ATP5PD: variants seen among roughly 807,000 people sequenced by gnomAD.
ATP5PD encodes ATP synthase peripheral stalk subunit d, mitochondrial.
ATP5PD carries 13 observed loss-of-function variants against 22.6 expected under a neutral mutation model. The ratio of observed to expected loss-of-function variants is 0.58; its 90% CI spans 0.37 to 0.91. The LOEUF is 0.91. ATP5PD is among the 40% of genes least tolerant of loss of function. The pLI is 0.00. For synonymous variants in ATP5PD, 51 were observed against 65.0 expected (o/e 0.79, Z 1.03); for missense variants, 165 against 188.0 (o/e 0.88, Z 0.72).
rs1293026283 is a variant in ATP5PD, at chr17:75,039,286, A to C, written c.292-15T>G. On this transcript the variant is annotated splice_polypyrimidine_tract_variant and intron_variant, in intron 4 of 5. Transcript: ENST00000301587. ...CAAGATTTCACCTTTAAGAAGAAAG[A>C]GAAATTCAGTTCTGAAACCAGGCTG... 6.2e-7 allele frequency: 1 copy of C among 1,613,574 alleles called. No individual in the cohort carries two copies. The highest frequency in any genetic ancestry group is 1.1e-5 in the South Asian group (1 of 91,080).
In ATP5PD at chr17:75,039,120, C is replaced by T. The variant is rs1598684394; in HGVS notation, c.355-57G>A. 4 of 1,612,138 alleles carry T rather than the reference C, an allele frequency of 2.5e-6. No individual in the cohort carries two copies. In the East Asian group the frequency reaches 8.9e-5, roughly 36 times the overall value. On this transcript the variant is annotated intron_variant, in intron 5 of 5. Transcript: ENST00000301587. ...TAAACAGAGACGGAAAGCAGAATAT[C>T]CAAGGCAGGTTCCTGCCACCAGGTG...
intron 1 of ATP5PD, 137 bp downstream of exon 1, chr17:75,046,788 G>A (rs2073224310): frequency 6.6e-6 from 1 of 152,440 alleles, no homozygotes; most frequent in African/African-American, 2.4e-5. Flanking sequence ...AGCTACACAA[G>A]GGACACTCTG....
intron 3 of ATP5PD, 199 bp downstream of exon 3, chr17:75,041,982 A>G: frequency 2.0e-6 from 1 of 510,374 alleles, no homozygotes; most frequent in Non-Finnish European, 3.5e-6. Context: ...TTAAGGCTAC[A>G]CTCTACTGCT....
At chr17:75,046,272 C>A (rs564863011) in intron 1 of ATP5PD, among the ~76,000 whole-genome samples, 9 of 152,220 alleles carry the variant, frequency 5.9e-5, no homozygotes, top group Non-Finnish European at 1.5e-5. Context: ...TTAGTAGAGG[C>A]GGGGTTTCAC....
chr17:75,042,308 T>G (rs960368245), intron 2 of ATP5PD, 31 bp from the exon 3 acceptor site: 4 of 1,608,738 alleles, frequency 2.5e-6, no homozygotes, highest in Non-Finnish European at 2.6e-6. Flanking sequence ...AAGTTAGGAT[T>G]GTTCATAAGC....
chr17:75,041,928 G>A, intron 3 of ATP5PD: 1 of 367,656 alleles, frequency 2.7e-6, no homozygotes, highest in Non-Finnish European at 4.9e-6. Flanking sequence ...AAACAGAGCA[G>A]GTCAAAACTC....
rs1005442545 is a variant in ATP5PD at position 75,039,040 on chromosome 17, A to T, written c.378T>A (p.Ile126=). Residue 126 remains isoleucine, a synonymous_variant, in exon 6 of 6, where the codon ATT becomes ATA. Coordinates refer to ENST00000301587, the MANE Select transcript of ATP5PD (RefSeq NM_006356.3). ...EKEMEKMKNL[I]PFDQMTIEDL... is the part of the protein sequence containing the mutation. ...CCTCAATGGTCATCTGATCAAATGGAATTAAGTTCTTCATCTTCTCCATCT... is the reference window on the plus strand; with the variant it reads ...CCTCAATGGTCATCTGATCAAATGGTATTAAGTTCTTCATCTTCTCCATCT... The T allele has an allele frequency of 6.2e-7, 1 of 1,613,990 alleles. No homozygotes were observed. Among genetic ancestry groups the T allele is most frequent in the East Asian group, 2.2e-5 (1 of 44,890 alleles).
intron 1 of ATP5PD, among the ~76,000 whole-genome samples, chr17:75,045,985 C>A (rs190571504): frequency 1.3e-5 from 2 of 152,334 alleles, no homozygotes; most frequent in East Asian, 3.9e-4. Context: ...ATAAAATCTT[C>A]ACAATCCACG....
chr17:75,046,620 C>G (rs915279266), intron 1 of ATP5PD, among the ~76,000 whole-genome samples: 2 of 152,248 alleles, frequency 1.3e-5, no homozygotes, highest in Non-Finnish European at 2.9e-5. Flanking sequence ...TTCCCCAGTC[C>G]CCCCACCAAA....
At chr17:75,046,541 G>A (rs915818662) in intron 1 of ATP5PD, among the ~76,000 whole-genome samples, 1 of 152,240 alleles carries the variant, frequency 6.6e-6, no homozygotes, top group Non-Finnish European at 1.5e-5. Context: ...GGAAGCTGCC[G>A]AAGGGGAAGG....
chr17:75,046,246 CTAATT>C (rs139924151), intron 1 of ATP5PD, among the ~76,000 whole-genome samples: 3,571 of 152,210 alleles, frequency 0.023, 52 homozygotes, highest in Non-Finnish European at 0.035. Flanking sequence ...CCACGCCCAG[CTAATT>C]TTTTGTATTT....
In ATP5PD at chr17:75,042,594, G is replaced by A. The variant is rs759950428; in HGVS notation, c.57C>T (p.Ile19=). The change falls in exon 2 of 6, where the codon ATC becomes ATT. Residue 19 remains isoleucine (I), a synonymous_variant. Transcript: ENST00000301587. ...KTIDWVAFAE[I]IPQNQKAIAS... Reference sequence around the variant, plus strand: ...CAATGGCCTTTTGGTTCTGGGGTATGATCTCTGCAAAAGCTACCCAGTCAA... The same window carrying A: ...CAATGGCCTTTTGGTTCTGGGGTATAATCTCTGCAAAAGCTACCCAGTCAA... The A allele has an allele frequency of 1.2e-6, 2 of 1,613,068 alleles. No individual in the cohort carries two copies. Among genetic ancestry groups the A allele is most frequent in the African/African-American group, 1.3e-5 (1 of 74,908 alleles).
chr17:75,042,432 T>G, intron 2 of ATP5PD, 97 bp downstream of exon 2: 7 of 1,538,700 alleles, frequency 4.5e-6, no homozygotes, highest in Non-Finnish European at 6.2e-6. Context: ...TTATATGTTG[T>G]CATAAGGGCA....
At chr17:75,043,625 A>AT (rs1024569900) in intron 1 of ATP5PD, among the ~76,000 whole-genome samples, 2 of 151,940 alleles carry the variant, frequency 1.3e-5, no homozygotes, top group African/African-American at 4.8e-5. Flanking sequence ...AAAAAAAAAA[A>AT]AAACAAACCC....
At chr17:75,043,158 T>C (rs776293251) in intron 1 of ATP5PD, among the ~76,000 whole-genome samples, 14 of 151,944 alleles carry the variant, frequency 9.2e-5, no homozygotes, top group Non-Finnish European at 1.6e-4. Flanking sequence ...GAGGCAGAGG[T>C]TGTAATGAGC....
intron 1 of ATP5PD, among the ~76,000 whole-genome samples, chr17:75,043,191 A>T (rs2073178379): frequency 6.6e-6 from 1 of 152,240 alleles, no homozygotes; most frequent in Non-Finnish European, 1.5e-5. Context: ...AGTGCACCCT[A>T]GCCTGGGCAA....
At position 75,042,609 on chromosome 17, in the gene ATP5PD, T is replaced by C. The variant is rs775901694; in HGVS notation, c.42A>G (p.Val14=). ...RKLALKTIDW[V]AFAEIIPQNQ... ...TCTGGGGTATGATCTCTGCAAAAGCTACCCAGTCAATGGTTTTTAGAGCAA... is the reference window on the plus strand; with the variant it reads ...TCTGGGGTATGATCTCTGCAAAAGCCACCCAGTCAATGGTTTTTAGAGCAA... The change falls in exon 2 of 6, where the codon GTA becomes GTG. Residue 14 remains valine (V), a synonymous_variant. Transcript: ENST00000301587. 1 of 1,612,872 alleles carries C rather than the reference T, an allele frequency of 6.2e-7. No homozygotes were observed. Among genetic ancestry groups the C allele is most frequent in the Non-Finnish European group, 8.5e-7 (1 of 1,179,672 alleles).
At chr17:75,044,067 C>T (rs535108367) in intron 1 of ATP5PD, among the ~76,000 whole-genome samples, 4 of 150,644 alleles carry the variant, frequency 2.7e-5, no homozygotes, top group Non-Finnish European at 5.9e-5. Flanking sequence ...CTCTGTCCCC[C>T]GGGCTGGAGT....
At chr17:75,046,444 C>T (rs180905543) in intron 1 of ATP5PD, among the ~76,000 whole-genome samples, 1 of 152,326 alleles carries the variant, frequency 6.6e-6, no homozygotes, top group Admixed American at 6.5e-5. Flanking sequence ...AGATCATGCG[C>T]ATAGGAGGTG....
Sources: gnomAD v4.1 joint callset for allele counts (sites outside exome capture counted in the v4.1 genomes callset) on GRCh38, gnomAD v4.1.1 for gene constraint, MANE v1.5 for transcripts, NCBI Gene and HGNC (gene_info 2026-07-23, HGNC 2026-07-21) for gene names.